Variants in CLDN10 observed in about 807,000 individuals in gnomAD.
CLDN10 encodes the protein claudin 10, also known as claudin-10.
In CLDN10, 15 loss-of-function variants were observed where a neutral mutation model predicts 22.9. That is an observed-to-expected ratio of 0.65 (90% confidence interval 0.44 to 1.01). CLDN10 has a LOEUF of 1.01. Ranked by LOEUF, CLDN10 falls within the 50% of genes least tolerant of loss-of-function variation. CLDN10 has a pLI of 0.00. For synonymous variants in CLDN10, 114 were observed against 111.4 expected, an observed-to-expected ratio of 1.02 and a Z score of -0.15; for missense variants, 247 against 287.8, an observed-to-expected ratio of 0.86 and a Z score of 1.03.
chr13:95,530,760 C>A (rs1333504127), intron 1 of CLDN10, among the ~76,000 whole-genome samples: 1 of 152,048 alleles, frequency 6.6e-6, no homozygotes, highest in Non-Finnish European at 1.5e-5. Context: ...CTGATCTTTA[C>A]AATACCTTAT....
chr13:95,528,599 T>A (rs2043309729), intron 1 of CLDN10: 1 of 152,162 alleles, frequency 6.6e-6, no homozygotes, highest in Non-Finnish European at 1.5e-5. Flanking sequence ...TGCCAAAAGA[T>A]AAATTCAAAT....
intron 1 of CLDN10, among the ~76,000 whole-genome samples, chr13:95,492,865 A>G (rs1194502393): frequency 6.6e-6 from 1 of 151,978 alleles, no homozygotes; most frequent in African/African-American, 2.4e-5. Context: ...CTACCCTTGT[A>G]TTTTGCTCGG....
chr13:95,528,390 A>T (rs1294561289), intron 1 of CLDN10: 1 of 152,308 alleles, frequency 6.6e-6, no homozygotes, highest in Non-Finnish European at 1.5e-5. Flanking sequence ...AGCCATGTGG[A>T]ACTGAGAATC....
At chr13:95,508,596 A>T (rs1171834934) in intron 1 of CLDN10, among the ~76,000 whole-genome samples, 1 of 152,256 alleles carries the variant, frequency 6.6e-6, no homozygotes, top group African/African-American at 2.4e-5. Flanking sequence ...GAAGGCGGAC[A>T]ACCGCCCAAC....
At chr13:95,450,167 A>G (rs77122126) in intron 1 of CLDN10, among the ~76,000 whole-genome samples, 12,516 of 152,266 alleles carry the variant, frequency 0.082, 761 homozygotes, top group South Asian at 0.22. Context: ...GAGCTACTGC[A>G]CCTGGCCTTG....
In CLDN10 at chr13:95,552,909, G is replaced by A; in HGVS notation, c.156G>A (p.Ala52=). 1 of 1,614,130 alleles carries A rather than the reference G, an allele frequency of 6.2e-7. No individual in the cohort carries two copies. The highest frequency in any genetic ancestry group is 8.5e-7 in the Non-Finnish European group (1 of 1,180,008). Reference sequence around the variant, plus strand: ...CCTATTGGGCCAACCTGTGGAAGGCGTGCGTTACCGACTCCACGGGCGTCT... The same window carrying A: ...CCTATTGGGCCAACCTGTGGAAGGCATGCGTTACCGACTCCACGGGCGTCT... ...TATYWANLWK[A]CVTDSTGVSN... Residue 52 remains alanine, a synonymous_variant, in exon 1 of 5, where the codon GCG becomes GCA. Coordinates refer to ENST00000299339, the MANE Select transcript of CLDN10 (RefSeq NM_006984.5).
intron 1 of CLDN10, among the ~76,000 whole-genome samples, chr13:95,486,848 C>G (rs887135078): frequency 6.6e-6 from 1 of 152,166 alleles, no homozygotes; most frequent in African/African-American, 2.4e-5. Flanking sequence ...CCCTTTACCG[C>G]CTCAGTGTTC....
At chr13:95,561,775 T>C (rs1357504779) in intron 3 of CLDN10, among the ~76,000 whole-genome samples, 2 of 151,882 alleles carry the variant, frequency 1.3e-5, no homozygotes, top group East Asian at 3.9e-4. Context: ...TTTTTTTTTT[T>C]TTTTTTAAGA....
chr13:95,531,482 G>A (rs2043341724), intron 1 of CLDN10, among the ~76,000 whole-genome samples: 1 of 152,036 alleles, frequency 6.6e-6, no homozygotes, highest in Non-Finnish European at 1.5e-5. Context: ...CAGATTACAG[G>A]ATGTAAAATT....
intron 1 of CLDN10, among the ~76,000 whole-genome samples, chr13:95,502,491 T>C (rs2042996123): frequency 1.3e-5 from 2 of 150,768 alleles, no homozygotes; most frequent in Admixed American, 6.6e-5. Flanking sequence ...TGGGAGCATG[T>C]TTTTTCTTGT....
At chr13:95,511,994 C>A (rs949439460) in intron 1 of CLDN10, among the ~76,000 whole-genome samples, 2 of 133,754 alleles carry the variant, frequency 1.5e-5, no homozygotes, top group African/African-American at 5.2e-5. Context: ...TGCTATCCCC[C>A]CCCTCTCCCC....
At chr13:95,511,667 A>G (rs1436433089) in intron 1 of CLDN10, among the ~76,000 whole-genome samples, 3 of 139,394 alleles carry the variant, frequency 2.2e-5, no homozygotes, top group African/African-American at 8.0e-5. Context: ...TTCTGTTTGT[A>G]TATCTGTTTT....
At chr13:95,482,793 A>G (rs2138498513) in intron 1 of CLDN10, among the ~76,000 whole-genome samples, 1 of 152,214 alleles carries the variant, frequency 6.6e-6, no homozygotes, top group Non-Finnish European at 1.5e-5. Context: ...CCTGGCCAAC[A>G]TGGTGAAACC....
In CLDN10 at chr13:95,577,958, G is replaced by C; in HGVS notation, c.631G>C (p.Glu211Gln). ...TTCTCGGACAAAGTATCATGGTGGA[G>C]AAGATTTTAAAACAACAAACCCTTC... ...MSSRTKYHGG[E>Q]DFKTTNPSKQ... The change falls in exon 5 of 5, where the codon GAA becomes CAA. Residue 211 changes from glutamate to glutamine, a missense_variant. Physicochemically the swap from Glu to Gln is conservative, Grantham distance 29. Transcript: ENST00000299339. 4 of 1,613,902 alleles carry C rather than the reference G, an allele frequency of 2.5e-6. No homozygotes were observed. Among genetic ancestry groups the C allele is most frequent in the Non-Finnish European group, 3.4e-6 (4 of 1,179,886 alleles).
At chr13:95,513,295 C>T (rs2043125333) in intron 1 of CLDN10, among the ~76,000 whole-genome samples, 1 of 152,222 alleles carries the variant, frequency 6.6e-6, no homozygotes, top group African/African-American at 2.4e-5. Context: ...CCCTGTCTGG[C>T]AGGCACTGTG....
intron 1 of CLDN10, among the ~76,000 whole-genome samples, chr13:95,455,283 T>A (rs1256737288): frequency 6.6e-6 from 1 of 152,186 alleles, no homozygotes. Flanking sequence ...AATATATACA[T>A]ATCCTGTCCA....
intron 1 of CLDN10, among the ~76,000 whole-genome samples, chr13:95,465,050 A>C (rs982643815): frequency 6.6e-6 from 1 of 152,146 alleles, no homozygotes; most frequent in South Asian, 2.1e-4. Context: ...CATACCTGAG[A>C]CTGGGAAGAA....
intron 1 of CLDN10, among the ~76,000 whole-genome samples, chr13:95,496,806 A>T (rs1391170456): frequency 1.3e-5 from 2 of 152,224 alleles, no homozygotes; most frequent in African/African-American, 4.8e-5. Flanking sequence ...TTACAGCTTC[A>T]ACATATGGAT....
intron 1 of CLDN10, among the ~76,000 whole-genome samples, chr13:95,443,984 G>A (rs1594522126): frequency 6.6e-6 from 1 of 152,118 alleles, no homozygotes; most frequent in African/African-American, 2.4e-5. Flanking sequence ...GGACAGCAAG[G>A]CATGGATTTT....
Sources: gnomAD v4.1 joint callset for allele counts (sites outside exome capture counted in the v4.1 genomes callset) on GRCh38, gnomAD v4.1.1 for gene constraint, MANE v1.5 for transcripts, NCBI Gene and HGNC (gene_info 2026-07-23, HGNC 2026-07-21) for gene names.